Variants in UTRN observed in about 807,000 individuals in gnomAD.
UTRN encodes the protein dystrophin-related protein 1.
In UTRN, 283 loss-of-function variants were observed where a neutral mutation model predicts 463.9. The observed-to-expected ratio is 0.61, with a 90% CI of 0.55 to 0.67. The LOEUF is 0.67. Among genes scored for constraint, UTRN ranks in the 30% least tolerant of loss-of-function variants. The pLI is 0.00. For missense variants in UTRN, 3,922 were observed against 4,084.3 expected (o/e 0.96, Z 1.08); for synonymous variants, 1,442 against 1,431.5 (o/e 1.01, Z -0.17).
At position 144,384,593 on chromosome 6, in the gene UTRN, A is replaced by C. The variant is rs7746379; in HGVS notation, c.80-18530A>C. Among the ~76,000 whole-genome samples, 1,124 of 152,160 alleles carry C rather than the reference A, an allele frequency of 7.4e-3. 17 individuals carry two copies. The highest frequency in any genetic ancestry group is 0.025 in the African/African-American group (1,032 of 41,512). ...CAACTCCTCACTCCTCTCTCCTCCT[A>C]GCCCTTGGCAACCACCATTTTACTT... On this transcript the variant is annotated intron_variant, in intron 2 of 74. Coordinates refer to ENST00000367545, the MANE Select transcript of UTRN (RefSeq NM_007124.3).
At chr6:144,548,575 A>G (rs1798622098) in intron 46 of UTRN, 65 bp from the exon 47 acceptor site, 5 of 1,477,374 alleles carry the variant, frequency 3.4e-6, no homozygotes, top group Admixed American at 3.6e-5. Context: ...ACGTGTCACC[A>G]TGACACCACC....
chr6:144,631,239 T>TGAGTGTGTGTGTGTGAGAGAGAGAG (rs1776487457), intron 51 of UTRN, among the ~76,000 whole-genome samples: 1 of 61,244 alleles, frequency 1.6e-5, no homozygotes, highest in African/African-American at 5.6e-5. Flanking sequence ...GAGAGAGAGG[T>TGAGTGTGTGTGTGTGAGAGAGAGAG]GTGTGTGTGT....
intron 3 of UTRN, among the ~76,000 whole-genome samples, chr6:144,405,834 T>C (rs2114803941): frequency 6.6e-6 from 1 of 152,348 alleles, no homozygotes; most frequent in Non-Finnish European, 1.5e-5. Context: ...GAGTGACACG[T>C]CTCTTTTCCA....
chr6:144,761,520 G>A (rs561070168), intron 58 of UTRN, among the ~76,000 whole-genome samples: 7 of 151,998 alleles, frequency 4.6e-5, no homozygotes, highest in African/African-American at 1.7e-4. Flanking sequence ...GGTAACATGC[G>A]CCTATAGTCC....
At chr6:144,598,121 G>A (rs948274493) in intron 51 of UTRN, among the ~76,000 whole-genome samples, 5 of 152,210 alleles carry the variant, frequency 3.3e-5, no homozygotes, top group Non-Finnish European at 1.5e-5. Context: ...TTTATTCCAA[G>A]CCAAATATGA....
In UTRN at chr6:144,348,740, G is replaced by A. The variant is rs191109622; in HGVS notation, c.80-54383G>A. On this transcript the variant is annotated intron_variant, in intron 2 of 74. Coordinates refer to ENST00000367545, the MANE Select transcript of UTRN (RefSeq NM_007124.3). ...ACCTGAAGTCGGGAGTTCAAGACCA[G>A]CCTGACCAACATGGAGAAACCCTGT... 2.3e-3 allele frequency among the ~76,000 whole-genome samples: 347 copies of A among 152,208 alleles called. 2 individuals carry two copies. Among genetic ancestry groups the A allele is most frequent in the African/African-American group, 7.9e-3 (328 of 41,544 alleles).
intron 51 of UTRN, among the ~76,000 whole-genome samples, chr6:144,665,568 G>A (rs1228721766): frequency 6.6e-6 from 1 of 152,194 alleles, no homozygotes; most frequent in African/African-American, 2.4e-5. Context: ...GGCAAAACTT[G>A]TAGTCAAATA....
intron 2 of UTRN, among the ~76,000 whole-genome samples, chr6:144,392,100 G>GA (rs951091174): frequency 2.0e-5 from 3 of 151,778 alleles, no homozygotes; most frequent in African/African-American, 7.3e-5. Flanking sequence ...GGCTTAGTAA[G>GA]AAAAAAAGAC....
rs181376222 is a variant in UTRN at position 144,419,251 on chromosome 6, C to T, written c.142-2627C>T. On this transcript the variant is annotated intron_variant, in intron 3 of 74. Transcript: ENST00000367545. ...CTGAAGTTCTGCCTCTGGAAAGTGG[C>T]CCCTGCATCTTGCACATCTCTGTGT... 2.0e-5 allele frequency among the ~76,000 whole-genome samples: 3 copies of T among 152,326 alleles called. No individual in the cohort carries two copies. In the East Asian group the frequency reaches 5.8e-4, roughly 29 times the overall value.
At chr6:144,351,751 C>T (rs920823526) in intron 2 of UTRN, among the ~76,000 whole-genome samples, 43 of 152,166 alleles carry the variant, frequency 2.8e-4, no homozygotes, top group East Asian at 1.9e-4. Flanking sequence ...AGTCTGGAAA[C>T]GTGATAGATT....
intron 58 of UTRN, chr6:144,758,304 A>C (rs1053793744): frequency 1.3e-5 from 2 of 153,538 alleles, no homozygotes; most frequent in Non-Finnish European, 2.2e-5. Flanking sequence ...AGTCTCTAAA[A>C]AGTAAAAAAA....
chr6:144,631,717 T>G (rs75882292), intron 51 of UTRN, among the ~76,000 whole-genome samples: 8,529 of 152,264 alleles, frequency 0.056, 318 homozygotes, highest in Non-Finnish European at 0.079. Context: ...TCTTTTCACA[T>G]TTCATATTTG....
At chr6:144,382,729 A>C (rs924904735) in intron 2 of UTRN, among the ~76,000 whole-genome samples, 21 of 152,244 alleles carry the variant, frequency 1.4e-4, no homozygotes, top group Non-Finnish European at 2.9e-4. Context: ...TGTTGGGATC[A>C]AATGAGATAA....
rs554584034 is a variant in UTRN, at chr6:144,367,578, T to C, written c.80-35545T>C. Among the ~76,000 whole-genome samples, 4 of 152,304 alleles carry C rather than the reference T, an allele frequency of 2.6e-5. 1 individual carries two copies. The South Asian group carries it at 8.3e-4, about 32-fold the overall frequency. ...CTGTTAGAATTAAGTAAGGATTTTG[T>C]CGTAGACAAACAGATGTAGCGATAG... On this transcript the variant is annotated intron_variant, in intron 2 of 74. Coordinates refer to ENST00000367545, the MANE Select transcript of UTRN (RefSeq NM_007124.3).
intron 2 of UTRN, among the ~76,000 whole-genome samples, chr6:144,294,167 A>C (rs1342538310): frequency 1.3e-5 from 2 of 152,110 alleles, no homozygotes; most frequent in Admixed American, 1.3e-4. Context: ...TTTAGATGCC[A>C]AGGTTATGAC....
intron 51 of UTRN, among the ~76,000 whole-genome samples, chr6:144,619,166 T>C (rs369987437): frequency 1.6e-4 from 25 of 152,234 alleles, no homozygotes; most frequent in African/African-American, 6.0e-4. Context: ...ATCTATGTGA[T>C]TAAATAAGCA....
At chr6:144,459,934 C>T (rs1562433901) in intron 21 of UTRN, among the ~76,000 whole-genome samples, 1 of 152,016 alleles carries the variant, frequency 6.6e-6, no homozygotes, top group Non-Finnish European at 1.5e-5. Flanking sequence ...AGATGTTAGC[C>T]TCCCAAAATA....
intron 43 of UTRN, among the ~76,000 whole-genome samples, chr6:144,533,705 GT>G (rs1254254156): frequency 7.2e-6 from 1 of 138,038 alleles, no homozygotes; most frequent in Non-Finnish European, 1.6e-5. Flanking sequence ...CAATAATAAA[GT>G]TCTTCATCTA....
intron 73 of UTRN, among the ~76,000 whole-genome samples, chr6:144,843,553 T>C (rs1197398783): frequency 6.6e-6 from 1 of 152,220 alleles, no homozygotes; most frequent in Non-Finnish European, 1.5e-5. Flanking sequence ...ATAAAATTCC[T>C]ATTGGTTGGG....
Sources: gnomAD v4.1 joint callset for allele counts (sites outside exome capture counted in the v4.1 genomes callset) on GRCh38, gnomAD v4.1.1 for gene constraint, MANE v1.5 for transcripts, NCBI Gene and HGNC (gene_info 2026-07-23, HGNC 2026-07-21) for gene names.